Variants in PTPRQ observed in about 807,000 individuals in gnomAD.
The protein encoded by PTPRQ is phosphatidylinositol phosphatase PTPRQ.
A neutral mutation model predicts 246.0 loss-of-function variants in PTPRQ; 199 were observed. The ratio of observed to expected loss-of-function variants is 0.81; its 90% CI spans 0.72 to 0.91. The LOEUF (loss-of-function observed/expected upper bound fraction) is 0.91, where lower values mean the gene tolerates loss of function less well. Ranked by LOEUF, PTPRQ falls within the 40% of genes least tolerant of loss-of-function variation. The pLI, the probability that PTPRQ is intolerant of heterozygous loss-of-function variation, is 0.00. For synonymous variants in PTPRQ, 869 were observed against 853.2 expected (o/e 1.02, Z -0.32); for missense variants, 2,624 against 2,528.4 (o/e 1.04, Z -0.81).
intron 25 of PTPRQ, among the ~76,000 whole-genome samples, chr12:80,579,760 C>G (rs1382570452): frequency 6.6e-6 from 1 of 152,032 alleles, no homozygotes; most frequent in Admixed American, 6.5e-5. Context: ...GCAAATTTTA[C>G]TTTGTGTATG....
intron 39 of PTPRQ, 119 bp downstream of exon 39, chr12:80,658,180 A>T (rs1385854653): frequency 5.3e-5 from 30 of 570,732 alleles, no homozygotes; most frequent in Non-Finnish European, 7.7e-5. Context: ...TTAATATGCT[A>T]GTTATTTACA....
chr12:80,490,200 A>T (rs1009132347), intron 9 of PTPRQ, among the ~76,000 whole-genome samples: 15 of 152,110 alleles, frequency 9.9e-5, no homozygotes, highest in African/African-American at 3.1e-4. Flanking sequence ...AATTAAAAAA[A>T]TTTTTCTTTT....
intron 33 of PTPRQ, among the ~76,000 whole-genome samples, chr12:80,626,184 A>C (rs1899194967): frequency 6.6e-6 from 1 of 152,212 alleles, no homozygotes; most frequent in Non-Finnish European, 1.5e-5. Flanking sequence ...TAAAGTCACC[A>C]GAGGAACAGA....
intron 26 of PTPRQ, among the ~76,000 whole-genome samples, chr12:80,592,912 G>A (rs1897848707): frequency 6.6e-6 from 1 of 152,136 alleles, no homozygotes; most frequent in Non-Finnish European, 1.5e-5. Flanking sequence ...TTGGGAGGCT[G>A]AGGGAGGAGA....
Position 80,465,002 on chromosome 12 carries a change from A to G in PTPRQ, c.911-3708A>G, listed in dbSNP as rs1374962529. ...TAGCAGAAGGCAAGAAATAACTAAA[A>G]TCAGAGCAGAACTGAAGGACATAGA... On this transcript the variant is annotated intron_variant, in intron 6 of 44. Coordinates refer to ENST00000644991, the MANE Select transcript of PTPRQ (RefSeq NM_001145026.2). Among the ~76,000 whole-genome samples, 99 of 85,728 alleles carry G rather than the reference A, an allele frequency of 1.2e-3. 1 individual carries two copies. The highest frequency in any genetic ancestry group is 6.4e-4 in the Non-Finnish European group (28 of 43,420). 56.2% of individuals were successfully genotyped at this position (85,728 alleles called of 152,430 possible).
Position 80,539,882 on chromosome 12 carries a change from G to A in PTPRQ, c.3092G>A (p.Ser1031Asn), listed in dbSNP as rs1896099813. 6.5e-6 allele frequency: 10 copies of A among 1,549,094 alleles called. No homozygotes were observed. The highest frequency in any genetic ancestry group is 2.5e-5 in the East Asian group (1 of 40,664). ...FSYYTFWLTA[S>N]TSVGNGNKSS... ...TACTATACATTTTGGTTAACAGCAA[G>A]TACTTCAGTTGGAAATGGGAATAAA... Residue 1031 changes from serine (S) to asparagine (N), a missense_variant, in exon 20 of 45, where the codon AGT becomes AAT. Physicochemically the swap from Ser to Asn is conservative, Grantham distance 46 (BLOSUM62 1). Coordinates refer to ENST00000644991, the MANE Select transcript of PTPRQ (RefSeq NM_001145026.2).
chr12:80,663,636 T>C (rs2121265718), intron 39 of PTPRQ, among the ~76,000 whole-genome samples: 1 of 152,152 alleles, frequency 6.6e-6, no homozygotes, highest in Non-Finnish European at 1.5e-5. Context: ...CACTCTTCTG[T>C]CATAATTATT....
intron 24 of PTPRQ, among the ~76,000 whole-genome samples, chr12:80,548,156 T>C (rs570052823): frequency 5.9e-5 from 9 of 152,244 alleles, no homozygotes; most frequent in African/African-American, 2.2e-4. Context: ...TTTTTATCAG[T>C]AAGATAAAAT....
intron 25 of PTPRQ, among the ~76,000 whole-genome samples, chr12:80,568,700 C>T (rs1011313706): frequency 3.3e-5 from 5 of 152,146 alleles, no homozygotes; most frequent in Non-Finnish European, 7.4e-5. Flanking sequence ...ATGTGTCACA[C>T]GAGTTCATTG....
In PTPRQ at chr12:80,539,861, A is replaced by G; in HGVS notation, c.3071A>G (p.Tyr1024Cys). Reference protein sequence around the residue: ...IIDKLTIFSYYTFWLTASTSV... With the variant: ...IIDKLTIFSYCTFWLTASTSV... Reference sequence around the variant, plus strand: ...GATAAACTGACAATATTCAGCTACTATACATTTTGGTTAACAGCAAGTACT... The same window carrying G: ...GATAAACTGACAATATTCAGCTACTGTACATTTTGGTTAACAGCAAGTACT... The change falls in exon 20 of 45, where the codon TAT becomes TGT. Residue 1024 changes from tyrosine to cysteine, a missense_variant. Physicochemically the swap from Tyr to Cys is radical, Grantham distance 194. Coordinates refer to ENST00000644991, the MANE Select transcript of PTPRQ (RefSeq NM_001145026.2). 3.2e-6 allele frequency: 5 copies of G among 1,549,670 alleles called. No homozygotes were observed. The South Asian group carries it at 4.8e-5, about 15-fold the overall frequency.
Position 80,496,101 on chromosome 12 carries a change from A to G in PTPRQ, c.1985A>G (p.Glu662Gly). ...EENDIFVRTS[E>G]DEPESSPQDV... ...AATGACATCTTTGTGAGAACTTCAGAAGATGGTAAGAATATCAATTGCAGC... is the reference window on the plus strand; with the variant it reads ...AATGACATCTTTGTGAGAACTTCAGGAGATGGTAAGAATATCAATTGCAGC... Residue 662 changes from glutamate to glycine, a missense_variant, in exon 13 of 45, where the codon GAA becomes GGA. Physicochemically the swap from Glu to Gly is moderately conservative, Grantham distance 98. Coordinates refer to ENST00000644991, the MANE Select transcript of PTPRQ (RefSeq NM_001145026.2). The G allele has an allele frequency of 6.5e-7, 1 of 1,546,898 alleles. No homozygotes were observed. Among genetic ancestry groups the G allele is most frequent in the Non-Finnish European group, 8.7e-7 (1 of 1,145,544 alleles).
chr12:80,555,157 C>T (rs1267674349), intron 25 of PTPRQ, among the ~76,000 whole-genome samples: 1 of 152,168 alleles, frequency 6.6e-6, no homozygotes, highest in Non-Finnish European at 1.5e-5. Flanking sequence ...TTCATGTGAT[C>T]TACCTGCCTC....
intron 8 of PTPRQ, among the ~76,000 whole-genome samples, chr12:80,480,881 A>G (rs1390959411): frequency 2.0e-5 from 3 of 152,250 alleles, no homozygotes; most frequent in African/African-American, 7.2e-5. Context: ...GGCAATAAGC[A>G]ATAGCTTACC....
intron 19 of PTPRQ, 117 bp from the exon 20 acceptor site, chr12:80,539,659 A>T (rs1896091075): frequency 1.1e-6 from 1 of 871,874 alleles, no homozygotes; most frequent in South Asian, 3.0e-5. Flanking sequence ...ATTTTCCTAA[A>T]ACAACATATT....
Position 80,530,122 on chromosome 12 carries a change from C to G in PTPRQ, c.2679-3893C>G, listed in dbSNP as rs1377375652. On this transcript the variant is annotated intron_variant, in intron 17 of 44. Transcript: ENST00000644991. ...CCACCTCCCTCAACTCCCTATCCTA[C>G]TCTCAAACTTTACAAACTGGCTTTC... Among the ~76,000 whole-genome samples, 5 of 152,182 alleles carry G rather than the reference C, an allele frequency of 3.3e-5. No homozygotes were observed. In the East Asian group the frequency reaches 9.6e-4, roughly 29 times the overall value.
At chr12:80,578,413 T>C (rs1298738014) in intron 25 of PTPRQ, among the ~76,000 whole-genome samples, 6 of 151,876 alleles carry the variant, frequency 4.0e-5, no homozygotes, top group Non-Finnish European at 7.4e-5. Flanking sequence ...TTTTATGAGA[T>C]GGAGTCTCAC....
At chr12:80,445,032 C>T (rs1027611724) in intron 2 of PTPRQ, among the ~76,000 whole-genome samples, 183 bp downstream of exon 2, 1 of 151,800 alleles carries the variant, frequency 6.6e-6, no homozygotes, top group African/African-American at 2.4e-5. Context: ...CTTCAGCTTC[C>T]TTTACTTTCA....
chr12:80,456,837 G>T (rs1448815971), intron 3 of PTPRQ, among the ~76,000 whole-genome samples: 1 of 152,044 alleles, frequency 6.6e-6, no homozygotes, highest in African/African-American at 2.4e-5. Flanking sequence ...TTAGTCCTCA[G>T]CACAATCCTA....
intron 19 of PTPRQ, among the ~76,000 whole-genome samples, chr12:80,538,755 A>C (rs527558080): frequency 6.7e-6 from 1 of 150,022 alleles, no homozygotes; most frequent in African/African-American, 2.5e-5. Context: ...CATTTAAATG[A>C]AACTAATTAC....
Sources: gnomAD v4.1 joint callset for allele counts (sites outside exome capture counted in the v4.1 genomes callset) on GRCh38, gnomAD v4.1.1 for gene constraint, MANE v1.5 for transcripts, NCBI Gene and HGNC (gene_info 2026-07-23, HGNC 2026-07-21) for gene names.